The following GRID2 variants were observed in gnomAD, a reference collection of about 807,000 sequenced individuals.
GRID2 encodes glutamate receptor ionotropic, delta-2.
A neutral mutation model predicts 114.8 loss-of-function variants in GRID2; 33 were observed. The observed-to-expected ratio is 0.29, with a 90% CI of 0.22 to 0.38. The LOEUF (loss-of-function observed/expected upper bound fraction) is 0.38. Among genes scored for constraint, GRID2 ranks in the 10% least tolerant of loss-of-function variants. The pLI, the probability that GRID2 is intolerant of heterozygous loss-of-function variation, is 1.00. For synonymous variants in GRID2, 505 were observed against 449.9 expected, an observed-to-expected ratio of 1.12 and a Z score of -1.55; for missense variants, 1,184 against 1,257.7, an observed-to-expected ratio of 0.94 and a Z score of 0.89.
At chr4:93,218,308 TG>T (rs933932100) in intron 6 of GRID2, among the ~76,000 whole-genome samples, 17 of 152,082 alleles carry the variant, frequency 1.1e-4, no homozygotes, top group African/African-American at 4.1e-4. Flanking sequence ...GAGACCAGCC[TG>T]GGCAGCATGG....
intron 2 of GRID2, among the ~76,000 whole-genome samples, chr4:92,921,572 A>T (rs1749340529): frequency 6.6e-6 from 1 of 152,064 alleles, no homozygotes; most frequent in South Asian, 2.1e-4. Flanking sequence ...AACAGTCAGG[A>T]CCCTCAGCTG....
chr4:92,689,097 T>C (rs564904071), intron 2 of GRID2, among the ~76,000 whole-genome samples: 1 of 152,264 alleles, frequency 6.6e-6, no homozygotes, highest in South Asian at 2.1e-4. Context: ...ATCTCAACAG[T>C]GGGCCTAAAA....
chr4:93,075,359 G>C (rs1405550572), intron 2 of GRID2, among the ~76,000 whole-genome samples: 2 of 151,964 alleles, frequency 1.3e-5, no homozygotes, highest in Non-Finnish European at 1.5e-5. Flanking sequence ...AAACCTTCAG[G>C]TTATATTATT....
intron 14 of GRID2, among the ~76,000 whole-genome samples, chr4:93,636,539 A>G (rs1228108102): frequency 1.3e-5 from 2 of 152,080 alleles, no homozygotes; most frequent in Admixed American, 1.3e-4. Flanking sequence ...TTAACACTCA[A>G]AACACTCATT....
chr4:93,071,212 T>A (rs2149305223), intron 2 of GRID2, among the ~76,000 whole-genome samples: 1 of 152,138 alleles, frequency 6.6e-6, no homozygotes, highest in South Asian at 2.1e-4. Context: ...AAAATCTGAG[T>A]AACATAAAAT....
At chr4:92,676,140 T>C (rs1368595464) in intron 2 of GRID2, among the ~76,000 whole-genome samples, 1 of 143,676 alleles carries the variant, frequency 7.0e-6, no homozygotes, top group Non-Finnish European at 1.5e-5. Context: ...TATGTTATGA[T>C]GCATTGTCGT....
intron 13 of GRID2, among the ~76,000 whole-genome samples, chr4:93,531,520 C>G (rs562606604): frequency 6.6e-6 from 1 of 151,386 alleles, no homozygotes; most frequent in South Asian, 2.1e-4. Flanking sequence ...AAGCAGAAAA[C>G]AAAATGGGGA....
intron 2 of GRID2, among the ~76,000 whole-genome samples, chr4:92,891,466 G>A (rs1292460535): frequency 6.6e-6 from 1 of 152,140 alleles, no homozygotes; most frequent in African/African-American, 2.4e-5. Flanking sequence ...TTGTTTATCT[G>A]TTCTCTAAAT....
In GRID2 at chr4:93,720,468, C is replaced by T. The variant is rs538159733; in HGVS notation, c.2361-48742C>T. Among the ~76,000 whole-genome samples, 13 of 152,192 alleles carry T rather than the reference C, an allele frequency of 8.5e-5. No individual in the cohort carries two copies. In the South Asian group the frequency reaches 1.9e-3, roughly 22 times the overall value. On this transcript the variant is annotated intron_variant, in intron 14 of 15. Coordinates refer to ENST00000282020, the MANE Select transcript of GRID2 (RefSeq NM_001510.4). ...CTTTGAATAAAATGACAATATTTCA[C>T]GAAACAGTCAGGAAGTAAATACAGA... is the stretch of plus-strand genomic sequence containing the variant.
intron 4 of GRID2, among the ~76,000 whole-genome samples, chr4:93,193,316 C>T (rs777800714): frequency 1.3e-5 from 2 of 152,078 alleles, no homozygotes; most frequent in Non-Finnish European, 2.9e-5. Flanking sequence ...ACCCAAATCT[C>T]ATCTTGAATT....
chr4:92,856,991 A>G (rs1744224223), intron 2 of GRID2, among the ~76,000 whole-genome samples: 1 of 152,136 alleles, frequency 6.6e-6, no homozygotes, highest in African/African-American at 2.4e-5. Context: ...TTAGTATTAT[A>G]TATGTTAAAG....
intron 4 of GRID2, among the ~76,000 whole-genome samples, chr4:93,138,444 CT>C (rs1260387077): frequency 2.0e-5 from 3 of 152,156 alleles, no homozygotes; most frequent in Non-Finnish European, 4.4e-5. Flanking sequence ...CATTAAATCT[CT>C]GTATTGCCCC....
At chr4:93,652,921 T>A (rs550139874) in intron 14 of GRID2, among the ~76,000 whole-genome samples, 30 of 152,034 alleles carry the variant, frequency 2.0e-4, no homozygotes, top group Non-Finnish European at 3.8e-4. Context: ...CATGGGGACT[T>A]CTTAGCTTCA....
chr4:93,745,322 AAG>A (rs1446799625), intron 14 of GRID2, among the ~76,000 whole-genome samples: 2 of 152,212 alleles, frequency 1.3e-5, no homozygotes, highest in Non-Finnish European at 2.9e-5. Context: ...CTTAGAAAAA[AAG>A]AGAGAATAGA....
chr4:93,724,542 T>C (rs1729669731), intron 14 of GRID2, among the ~76,000 whole-genome samples: 1 of 152,238 alleles, frequency 6.6e-6, no homozygotes, highest in South Asian at 2.1e-4. Flanking sequence ...CCAAATTACA[T>C]GTAATTTCTC....
In GRID2 at chr4:92,790,318, CCTTT is replaced by C. The variant is rs1305313811; in HGVS notation, c.244+200041_244+200044del. 4.6e-5 allele frequency among the ~76,000 whole-genome samples: 7 copies of C among 151,622 alleles called. No individual in the cohort carries two copies. In the South Asian group the frequency reaches 1.2e-3, roughly 27 times the overall value. On this transcript the variant is annotated intron_variant, in intron 2 of 15. Coordinates refer to ENST00000282020, the MANE Select transcript of GRID2 (RefSeq NM_001510.4). ...GTCATTTTTTAAAACTTTTTCCTAA[CCTTT>C]CTTTCTTTTACAAATCTCATATTTC... is the stretch of plus-strand genomic sequence containing the variant.
At chr4:92,884,823 T>C in intron 2 of GRID2, 1 of 347,872 alleles carries the variant, frequency 2.9e-6, no homozygotes, top group Non-Finnish European at 5.8e-6. Context: ...AATCAGAATG[T>C]AATGCTTTAT....
rs72887702 is a variant in GRID2, at chr4:93,152,114, A to G, written c.735+41161A>G. ...CACAAAGAACTTCAGAAAAGCAATC[A>G]AATTTTCTTTGTTTCAGCTTACAGA... On this transcript the variant is annotated intron_variant, in intron 4 of 15. Coordinates refer to ENST00000282020, the MANE Select transcript of GRID2 (RefSeq NM_001510.4). Among the ~76,000 whole-genome samples the G allele has an allele frequency of 2.4e-3, 370 of 152,308 alleles. 3 individuals are homozygous for G. The highest frequency in any genetic ancestry group is 8.4e-3 in the African/African-American group (349 of 41,590).
chr4:92,348,253 C>T (rs987654891), intron 1 of GRID2, among the ~76,000 whole-genome samples: 1 of 152,186 alleles, frequency 6.6e-6, no homozygotes, highest in Non-Finnish European at 1.5e-5. Flanking sequence ...CATGAGCCAC[C>T]ATGCCTGACC....
Sources: allele counts gnomAD v4.1 joint callset (sites outside exome capture counted in the v4.1 genomes callset), GRCh38; gene constraint gnomAD v4.1.1; transcripts MANE v1.5; gene names NCBI Gene and HGNC (gene_info 2026-07-23, HGNC 2026-07-21).